DAPK1: variants seen among roughly 807,000 people sequenced by gnomAD.
The protein encoded by DAPK1 is death associated protein kinase 1.
DAPK1 carries 56 observed loss-of-function variants against 144.9 expected under a neutral mutation model. That is an observed-to-expected ratio of 0.39 (90% CI 0.31 to 0.48). The LOEUF (loss-of-function observed/expected upper bound fraction) is 0.48, where lower values mean the gene tolerates loss of function less well. DAPK1 is among the 20% of genes least tolerant of loss of function. The probability of loss-of-function intolerance (pLI) is 0.95; values close to 1 mark genes in which losing one functional copy is unlikely to be tolerated. For synonymous variants in DAPK1, 690 were observed against 749.0 expected (o/e 0.92, Z 1.29); for missense variants, 1,454 against 1,875.4 (o/e 0.78, Z 4.15).
At chr9:87,574,725 C>T (rs1199567964) in intron 2 of DAPK1, among the ~76,000 whole-genome samples, 1 of 152,156 alleles carries the variant, frequency 6.6e-6, no homozygotes, top group Non-Finnish European at 1.5e-5. Flanking sequence ...TTGAGACCAG[C>T]CTGGCCAACA....
intron 2 of DAPK1, among the ~76,000 whole-genome samples, chr9:87,597,793 G>A (rs754340994): frequency 3.3e-5 from 5 of 152,040 alleles, no homozygotes; most frequent in African/African-American, 4.8e-5. Context: ...CTAGAAATAC[G>A]AAGTAGGCTC....
At chr9:87,685,493 C>G (rs939347635) in intron 20 of DAPK1, among the ~76,000 whole-genome samples, 1 of 152,184 alleles carries the variant, frequency 6.6e-6, no homozygotes, top group Non-Finnish European at 1.5e-5. Flanking sequence ...TGAATCCCTT[C>G]TCCAATGCAA....
chr9:87,540,181 CTCTT>C (rs1825996327), intron 2 of DAPK1, among the ~76,000 whole-genome samples: 2 of 125,850 alleles, frequency 1.6e-5, no homozygotes, highest in African/African-American at 3.1e-5. Flanking sequence ...TGTTGTTAAT[CTCTT>C]TTTTTTTTTT....
At chr9:87,542,759 G>A (rs1563983828) in intron 2 of DAPK1, among the ~76,000 whole-genome samples, 1 of 152,172 alleles carries the variant, frequency 6.6e-6, no homozygotes, top group Non-Finnish European at 1.5e-5. Flanking sequence ...GTCTGAGTCC[G>A]AGATTAATGC....
chr9:87,513,310 A>G (rs1379005843), intron 2 of DAPK1, among the ~76,000 whole-genome samples: 1 of 152,252 alleles, frequency 6.6e-6, no homozygotes, highest in African/African-American at 2.4e-5. Flanking sequence ...CTTTTGCACA[A>G]CCAACAGTAT....
At chr9:87,648,710 G>A in intron 14 of DAPK1, 71 bp from the exon 15 acceptor site, 2 of 1,365,324 alleles carry the variant, frequency 1.5e-6, no homozygotes, top group African/African-American at 1.4e-5. Flanking sequence ...CTGGGTGTAG[G>A]CCTTGGGTTC....
At chr9:87,619,180 C>T (rs1264144926) in intron 3 of DAPK1, among the ~76,000 whole-genome samples, 1 of 152,184 alleles carries the variant, frequency 6.6e-6, no homozygotes, top group Non-Finnish European at 1.5e-5. Flanking sequence ...GGATTTCCTA[C>T]CCACTCCAGT....
At chr9:87,586,378 A>C (rs541278270) in intron 2 of DAPK1, among the ~76,000 whole-genome samples, 137 of 152,318 alleles carry the variant, frequency 9.0e-4, no homozygotes, top group African/African-American at 3.2e-3. Context: ...GTCTCAAAGT[A>C]AGTCATTGTT....
intron 10 of DAPK1, 53 bp from the exon 11 acceptor site, chr9:87,643,323 C>G: frequency 1.8e-6 from 2 of 1,125,964 alleles, no homozygotes; most frequent in Non-Finnish European, 2.5e-6. Flanking sequence ...TCCTCTCACC[C>G]TGCCTTTTTC....
intron 2 of DAPK1, among the ~76,000 whole-genome samples, chr9:87,584,456 T>C (rs1480257777): frequency 6.6e-6 from 1 of 151,114 alleles, no homozygotes. Context: ...TCATTTGCTT[T>C]GGATATATAC....
Position 87,601,573 on chromosome 9 carries a change from G to C in DAPK1, c.63-3381G>C, listed in dbSNP as rs572334387. On this transcript the variant is annotated intron_variant, in intron 2 of 25. Coordinates refer to ENST00000408954, the MANE Select transcript of DAPK1 (RefSeq NM_004938.4). ...GCAGTCATGAGAGGTAGGTACTTGG[G>C]GGGTAATACTGCATCACTGTGAGAC... Among the ~76,000 whole-genome samples, 273 of 152,220 alleles carry C rather than the reference G, an allele frequency of 1.8e-3. 2 individuals carry two copies. Among genetic ancestry groups the C allele is most frequent in the Middle Eastern group, 0.014 (4 of 294 alleles).
intron 2 of DAPK1, among the ~76,000 whole-genome samples, chr9:87,512,246 A>G (rs1349375247): frequency 6.6e-6 from 1 of 152,062 alleles, no homozygotes; most frequent in Non-Finnish European, 1.5e-5. Context: ...AAGTGGCCAA[A>G]TAAGACACTG....
At chr9:87,498,658 G>A (rs1013891828) in intron 1 of DAPK1, 5 of 369,158 alleles carry the variant, frequency 1.4e-5, no homozygotes, top group African/African-American at 6.2e-5. Context: ...GGGTGGGCAT[G>A]TGTGCAGAGA....
At position 87,639,695 on chromosome 9, in the gene DAPK1, T is replaced by C. The variant is rs777002331; in HGVS notation, c.599T>C (p.Met200Thr). The change falls in exon 6 of 26, where the codon ATG (methionine) becomes ACG (threonine). Residue 200 changes from methionine (M) to threonine (T), a missense_variant. Physicochemically the swap from Met to Thr is moderately conservative, Grantham distance 81 (BLOSUM62 -1). Around this residue, in one of 2 missense-constraint regions of DAPK1, gnomAD observed 429 missense variants for 637.5 expected, o/e 0.67. Transcript: ENST00000408954. ...NYEPLGLEAD[M>T]WSIGVITYIL... ...GAACCTCTTGGTCTTGAGGCAGATA[T>C]GTGGTAAGGAGTATGTCCTTGGTGT... 6.2e-7 allele frequency: 1 copy of C among 1,614,118 alleles called. No individual in the cohort carries two copies. The highest frequency in any genetic ancestry group is 2.2e-5 in the East Asian group (1 of 44,878).
intron 21 of DAPK1, among the ~76,000 whole-genome samples, chr9:87,693,676 A>G (rs1470387345): frequency 6.6e-6 from 1 of 152,160 alleles, no homozygotes; most frequent in Non-Finnish European, 1.5e-5. Flanking sequence ...TGCATCCGGT[A>G]TAATAGTCAC....
At chr9:87,670,064 A>T (rs1324273586) in intron 19 of DAPK1, among the ~76,000 whole-genome samples, 2 of 152,146 alleles carry the variant, frequency 1.3e-5, no homozygotes. Flanking sequence ...CCAGAAATTC[A>T]TAAATTACCA....
At chr9:87,625,097 T>C (rs1179434587) in intron 3 of DAPK1, among the ~76,000 whole-genome samples, 1 of 152,156 alleles carries the variant, frequency 6.6e-6, no homozygotes, top group African/African-American at 2.4e-5. Flanking sequence ...ATAGAATACA[T>C]AGCAGAGTTG....
At chr9:87,523,966 A>G (rs566552852) in intron 2 of DAPK1, among the ~76,000 whole-genome samples, 1 of 152,364 alleles carries the variant, frequency 6.6e-6, no homozygotes, top group East Asian at 1.9e-4. Flanking sequence ...TATGTTTGCT[A>G]TATTCAGAAT....
intron 20 of DAPK1, among the ~76,000 whole-genome samples, chr9:87,683,399 C>G (rs1385011575): frequency 1.3e-5 from 2 of 152,140 alleles, no homozygotes; most frequent in African/African-American, 4.8e-5. Context: ...GATTTCTGCT[C>G]TAGTTGAGGA....
Sources: allele counts gnomAD v4.1 joint callset (sites outside exome capture counted in the v4.1 genomes callset), GRCh38; gene constraint gnomAD v4.1.1; regional missense constraint gnomAD v4.1.1; transcripts MANE v1.5; gene names NCBI Gene and HGNC (gene_info 2026-07-23, HGNC 2026-07-21).